HABP4: variants seen among roughly 807,000 people sequenced by gnomAD.
The protein encoded by HABP4 is hyaluronan binding protein 4, also known as intracellular hyaluronan-binding protein 4.
Under a neutral mutation model 44.1 loss-of-function variants are expected in HABP4, and 32 were observed. That is an observed-to-expected ratio of 0.73 (90% CI 0.55 to 0.97). The LOEUF (loss-of-function observed/expected upper bound fraction) is 0.97, where lower values mean the gene tolerates loss of function less well. Among genes scored for constraint, HABP4 ranks in the 50% least tolerant of loss-of-function variants. HABP4 has a pLI of 0.00. For synonymous variants in HABP4, 216 were observed against 218.0 expected (o/e 0.99, Z 0.08); for missense variants, 503 against 561.9 (o/e 0.90, Z 1.06).
Position 96,465,319 on chromosome 9 carries a change from A to T in HABP4, c.513-18A>T. ...GACCTTTAATTTACCAGTTTTTATT[A>T]TATCCACTCCTTCCTAGACCAGGTG... On this transcript the variant is annotated intron_variant, in intron 2 of 7. Transcript: ENST00000375249. 6.4e-7 allele frequency: 1 copy of T among 1,564,464 alleles called. No individual in the cohort carries two copies. The highest frequency in any genetic ancestry group is 2.2e-5 in the East Asian group (1 of 44,500).
intron 5 of HABP4, among the ~76,000 whole-genome samples, chr9:96,482,009 C>T (rs370798722): frequency 3.8e-4 from 57 of 151,040 alleles, no homozygotes; most frequent in African/African-American, 1.4e-3. Flanking sequence ...GATCTCGGCT[C>T]ACTGCAACCT....
intron 1 of HABP4, among the ~76,000 whole-genome samples, chr9:96,456,780 AAT>A (rs71368267): frequency 0.013 from 561 of 44,722 alleles, 7 homozygotes; most frequent in Non-Finnish European, 0.017. Flanking sequence ...AAAAAAAAAA[AAT>A]ATATATATAT....
intron 1 of HABP4, among the ~76,000 whole-genome samples, chr9:96,457,432 G>C (rs1004052107): frequency 6.6e-6 from 1 of 152,226 alleles, no homozygotes; most frequent in Admixed American, 6.5e-5. Context: ...ATGCCCTCAA[G>C]TACTGGCTGA....
intron 4 of HABP4, among the ~76,000 whole-genome samples, chr9:96,470,719 C>T (rs1035350163): frequency 2.0e-5 from 3 of 151,574 alleles, no homozygotes; most frequent in Non-Finnish European, 4.4e-5. Context: ...CATGGTGAAA[C>T]CCTGTCTCTA....
chr9:96,462,971 A>G (rs1832532062), intron 2 of HABP4, among the ~76,000 whole-genome samples: 2 of 151,890 alleles, frequency 1.3e-5, no homozygotes, highest in African/African-American at 4.8e-5. Flanking sequence ...TGTACTTTAG[A>G]TTTCTTTTTT....
rs779682284 is a variant in HABP4, at chr9:96,491,076, C to G, written c.*1038C>G. ...AGCCACACACGCCCGGGAACACACA[C>G]TGTGCTGGGGAGGAAGTGGGCCTAG... On this transcript the variant is annotated 3_prime_UTR_variant, in exon 8 of 8. Transcript: ENST00000375249. 3 of 152,422 alleles carry G rather than the reference C, an allele frequency of 2.0e-5. No individual in the cohort carries two copies. Among genetic ancestry groups the G allele is most frequent in the Non-Finnish European group, 4.4e-5 (3 of 68,206 alleles). The allele number at this position is 152,422 out of a possible 1,614,324, so 9.4% of individuals were successfully genotyped here.
At chr9:96,483,431 A>T (rs181657655) in intron 5 of HABP4, 1 of 151,654 alleles carries the variant, frequency 6.6e-6, no homozygotes, top group Non-Finnish European at 1.5e-5. Context: ...GGTGGAACAC[A>T]GTGGCCATTC....
intron 7 of HABP4, among the ~76,000 whole-genome samples, chr9:96,489,576 G>T (rs1159555425): frequency 2.0e-5 from 3 of 152,174 alleles, no homozygotes; most frequent in Non-Finnish European, 4.4e-5. Context: ...CCCTCCTGTG[G>T]CCCCTCCTTC....
In HABP4 at chr9:96,450,723, G is replaced by T; in HGVS notation, c.349+95G>T. ...TTTCAGGAGGAGGGGCCCGGGAACA[G>T]TAGGGAGAGTTGAGGGTCCTGGTGG... is the stretch of plus-strand genomic sequence containing the variant. On this transcript the variant is annotated intron_variant, in intron 1 of 7. Coordinates refer to ENST00000375249, the MANE Select transcript of HABP4 (RefSeq NM_014282.4). The surrounding 1 kb of genome is among the most constrained non-coding windows in gnomAD (Gnocchi z 4.8). The T allele has an allele frequency of 3.8e-6, 4 of 1,043,688 alleles. No homozygotes were observed. The highest frequency in any genetic ancestry group is 4.8e-6 in the Non-Finnish European group (4 of 824,846). 64.7% of individuals were successfully genotyped at this position (1,043,688 alleles called of 1,614,324 possible).
At chr9:96,484,874 A>G (rs554058542) in intron 6 of HABP4, among the ~76,000 whole-genome samples, 1 of 152,304 alleles carries the variant, frequency 6.6e-6, no homozygotes, top group South Asian at 2.1e-4. Flanking sequence ...TCACCCTGGG[A>G]CTATGCGGGT....
At chr9:96,477,054 TG>T (rs1478044839) in intron 5 of HABP4, among the ~76,000 whole-genome samples, 2 of 152,252 alleles carry the variant, frequency 1.3e-5, no homozygotes, top group Admixed American at 1.3e-4. Context: ...TGTCCTTTTT[TG>T]ATCTAGTTCT....
Position 96,484,564 on chromosome 9 carries a change from C to T in HABP4, c.930C>T (p.Asn310=), listed in dbSNP as rs117781879. 6.6e-5 allele frequency: 105 copies of T among 1,594,450 alleles called. No homozygotes were observed. The highest frequency in any genetic ancestry group is 8.8e-5 in the Non-Finnish European group (102 of 1,162,006). ...QEQTRPKPEF[N]IRKPESTVPS... ...AGACCAGACCAAAGCCTGAGTTTAA[C>T]ATCCGGAAACCAGAATCCACTGTTC... Residue 310 remains asparagine (N), a synonymous_variant, in exon 6 of 8, where the codon AAC becomes AAT. Transcript: ENST00000375249.
chr9:96,461,081 G>A (rs1257481903), intron 2 of HABP4, among the ~76,000 whole-genome samples: 2 of 152,192 alleles, frequency 1.3e-5, no homozygotes, highest in Non-Finnish European at 2.9e-5. Context: ...TGTTTCACAA[G>A]TGGGAAGCCT....
Position 96,490,746 on chromosome 9 carries a change from CAT to C in HABP4, c.*709_*710del, listed in dbSNP as rs1833078310. ...ATATTAAGTATGTGACTTCAAAAACCATGTTATTTAACCTGCCAATCAAATGG... is the reference window on the plus strand; with the variant it reads ...ATATTAAGTATGTGACTTCAAAAACCGTTATTTAACCTGCCAATCAAATGG... On this transcript the variant is annotated 3_prime_UTR_variant, in exon 8 of 8. Transcript: ENST00000375249. 1 of 152,110 alleles carries C rather than the reference CAT, an allele frequency of 6.6e-6. No homozygotes were observed. The highest frequency in any genetic ancestry group is 6.5e-5 in the Admixed American group (1 of 15,270). 9.4% of individuals were successfully genotyped at this position (152,110 alleles called of 1,614,324 possible). A position where few individuals can be genotyped will look rare whatever the true frequency, so the allele number is the denominator to read the frequency against.
At chr9:96,475,405 A>AAAAAAAAAAAG (rs1554725958) in intron 5 of HABP4, among the ~76,000 whole-genome samples, 1 of 149,890 alleles carries the variant, frequency 6.7e-6, no homozygotes, top group African/African-American at 2.5e-5. Flanking sequence ...AAAAAAAAAA[A>AAAAAAAAAAAG]AAGAAGAAAA....
rs1564159661 is a variant in HABP4, at chr9:96,458,435, C to T, written c.406C>T (p.Pro136Ser). 14 of 1,613,652 alleles carry T rather than the reference C, an allele frequency of 8.7e-6. No homozygotes were observed. The highest frequency in any genetic ancestry group is 1.2e-5 in the Non-Finnish European group (14 of 1,179,650). The change falls in exon 2 of 8, where the codon CCG (proline) becomes TCG (serine). Residue 136 changes from proline (P) to serine (S), a missense_variant. Physicochemically the swap from Pro to Ser is moderately conservative, Grantham distance 74 (BLOSUM62 -1). Coordinates refer to ENST00000375249, the MANE Select transcript of HABP4 (RefSeq NM_014282.4). The stretch of plus-strand genomic sequence containing the variant: ...GCAAGGATGGAATGACAGCCGTGGG[C>T]CGGAGGGGATGCTCGAAAGAGCTGA... ...EQQGWNDSRG[P>S]EGMLERAERR... is the part of the protein sequence containing the mutation.
intron 7 of HABP4, among the ~76,000 whole-genome samples, chr9:96,489,130 G>T (rs1029821224): frequency 1.3e-5 from 2 of 152,142 alleles, no homozygotes; most frequent in African/African-American, 4.8e-5. Context: ...GCAGCCCCTG[G>T]AAGCAGTGTC....
chr9:96,462,543 C>A (rs1798653299), intron 2 of HABP4, among the ~76,000 whole-genome samples: 1 of 150,850 alleles, frequency 6.6e-6, no homozygotes, highest in Non-Finnish European at 1.5e-5. Context: ...ATCTGGGAGT[C>A]AGAGGCTGCA....
At chr9:96,477,906 C>T (rs1329549723) in intron 5 of HABP4, among the ~76,000 whole-genome samples, 1 of 152,190 alleles carries the variant, frequency 6.6e-6, no homozygotes, top group South Asian at 2.1e-4. Flanking sequence ...CTTTCTGTCA[C>T]TACAGATTAG....
Sources: allele counts gnomAD v4.1 joint callset (sites outside exome capture counted in the v4.1 genomes callset), GRCh38; gene constraint gnomAD v4.1.1; non-coding constraint Gnocchi (gnomAD v3.1); transcripts MANE v1.5; gene names NCBI Gene and HGNC (gene_info 2026-07-23, HGNC 2026-07-21).